WWOX: variants seen among roughly 807,000 people sequenced by gnomAD.
WWOX encodes the protein WW domain-containing oxidoreductase.
A neutral mutation model predicts 46.2 loss-of-function variants in WWOX; 69 were observed. The observed-to-expected ratio is 1.49, with a 90% CI of 1.23 to 1.82. WWOX has a LOEUF of 1.82. Among genes scored for constraint, WWOX ranks in the 40% most tolerant of loss-of-function variants. The probability of loss-of-function intolerance (pLI) is 0.00; values close to 1 mark genes in which losing one functional copy is unlikely to be tolerated. For synonymous variants in WWOX, 359 were observed against 202.6 expected, an observed-to-expected ratio of 1.77 and a Z score of -6.56; for missense variants, 919 against 542.6, an observed-to-expected ratio of 1.69 and a Z score of -6.89.
intron 8 of WWOX, among the ~76,000 whole-genome samples, chr16:78,567,450 G>A (rs2044598019): frequency 6.6e-6 from 1 of 150,946 alleles, no homozygotes; most frequent in Admixed American, 6.6e-5. Flanking sequence ...CTACTCCGGA[G>A]GCTGAGACAG....
intron 8 of WWOX, among the ~76,000 whole-genome samples, chr16:79,058,867 T>C (rs1238013322): frequency 6.6e-6 from 1 of 152,208 alleles, no homozygotes; most frequent in East Asian, 1.9e-4. Context: ...GGAAAATGTG[T>C]TTACAGAAGA....
At chr16:79,211,511 G>C (rs1318651639) in intron 8 of WWOX, 97 bp from the exon 9 acceptor site, 1 of 1,509,946 alleles carries the variant, frequency 6.6e-7, no homozygotes, top group Non-Finnish European at 9.1e-7. Flanking sequence ...ACTGAACCAG[G>C]TGGGGGAGGC....
At chr16:78,832,365 C>T (rs1031956777) in intron 8 of WWOX, among the ~76,000 whole-genome samples, 3 of 152,134 alleles carry the variant, frequency 2.0e-5, no homozygotes. Context: ...TTTTAAGCCC[C>T]ATTCTTAGAC....
At chr16:78,260,275 A>G (rs2038244097) in intron 5 of WWOX, among the ~76,000 whole-genome samples, 1 of 151,608 alleles carries the variant, frequency 6.6e-6, no homozygotes, top group Admixed American at 6.6e-5. Flanking sequence ...AAAGAGAAAC[A>G]AACAGAAAAC....
intron 5 of WWOX, among the ~76,000 whole-genome samples, chr16:78,164,554 A>G (rs749943993): frequency 4.6e-5 from 7 of 152,206 alleles, no homozygotes; most frequent in Non-Finnish European, 1.0e-4. Context: ...CTCATTTATT[A>G]AGAAAAATAA....
intron 5 of WWOX, among the ~76,000 whole-genome samples, chr16:78,175,435 A>C (rs148359716): frequency 6.6e-6 from 1 of 152,196 alleles, no homozygotes; most frequent in Non-Finnish European, 1.5e-5. Context: ...CTCACTCTCC[A>C]TGAATAGAAT....
intron 8 of WWOX, among the ~76,000 whole-genome samples, chr16:79,092,912 A>G (rs977081630): frequency 1.3e-5 from 2 of 152,178 alleles, no homozygotes; most frequent in Non-Finnish European, 2.9e-5. Context: ...GCCCATTTTC[A>G]TGGATGGACA....
chr16:78,110,647 A>G (rs1310929476), intron 3 of WWOX, among the ~76,000 whole-genome samples: 1 of 152,208 alleles, frequency 6.6e-6, no homozygotes, highest in Non-Finnish European at 1.5e-5. Flanking sequence ...GGTATCACGC[A>G]GCAATAGTAA....
chr16:78,718,598 T>C (rs899320709), intron 8 of WWOX, among the ~76,000 whole-genome samples: 1 of 152,074 alleles, frequency 6.6e-6, no homozygotes, highest in Non-Finnish European at 1.5e-5. Flanking sequence ...TCCTAGGTAC[T>C]CTGGAGGGTG....
intron 8 of WWOX, among the ~76,000 whole-genome samples, chr16:78,639,905 A>T (rs998816042): frequency 6.6e-6 from 1 of 152,068 alleles, no homozygotes; most frequent in Non-Finnish European, 1.5e-5. Flanking sequence ...TAATAGGAAG[A>T]TAGAGTGGTG....
intron 8 of WWOX, among the ~76,000 whole-genome samples, chr16:78,760,964 A>G (rs1017007307): frequency 6.6e-6 from 1 of 152,104 alleles, no homozygotes; most frequent in Non-Finnish European, 1.5e-5. Flanking sequence ...TTATAATACC[A>G]TCAGATCTCA....
At chr16:78,963,804 C>G (rs962867476) in intron 8 of WWOX, among the ~76,000 whole-genome samples, 4 of 152,176 alleles carry the variant, frequency 2.6e-5, no homozygotes, top group African/African-American at 9.7e-5. Flanking sequence ...GCTGTGTCCC[C>G]ACCCAAATCT....
At chr16:78,284,043 C>A (rs2079729016) in intron 5 of WWOX, among the ~76,000 whole-genome samples, 1 of 152,134 alleles carries the variant, frequency 6.6e-6, no homozygotes, top group Non-Finnish European at 1.5e-5. Context: ...ATTTGTATCT[C>A]GTTAAAACAT....
At chr16:78,162,772 T>G (rs898949477) in intron 4 of WWOX, among the ~76,000 whole-genome samples, 2 of 152,192 alleles carry the variant, frequency 1.3e-5, no homozygotes, top group Non-Finnish European at 2.9e-5. Context: ...ATGTCTCTTT[T>G]GTGCTTTGTT....
chr16:78,639,439 A>C (rs2046650991), intron 8 of WWOX, among the ~76,000 whole-genome samples: 1 of 152,158 alleles, frequency 6.6e-6, no homozygotes, highest in Non-Finnish European at 1.5e-5. Flanking sequence ...CACAGAAGGA[A>C]AGTAAGAGTG....
chr16:78,434,537 C>A (rs1349853669), intron 8 of WWOX, among the ~76,000 whole-genome samples: 3 of 152,172 alleles, frequency 2.0e-5, no homozygotes, highest in Non-Finnish European at 4.4e-5. Flanking sequence ...GAGGTGGATT[C>A]TTCCTTATTT....
chr16:78,774,771 C>G (rs947408157), intron 8 of WWOX, among the ~76,000 whole-genome samples: 1 of 152,118 alleles, frequency 6.6e-6, no homozygotes, highest in Non-Finnish European at 1.5e-5. Flanking sequence ...TAAGGCAATT[C>G]CTGGCACATG....
chr16:78,272,701 G>A lies in WWOX; in HGVS notation c.516+108412G>A, dbSNP rs568534481. Among the ~76,000 whole-genome samples, 28 of 152,296 alleles carry A rather than the reference G, an allele frequency of 1.8e-4. 1 individual carries two copies. In the South Asian group the frequency reaches 5.6e-3, roughly 30 times the overall value. Reference sequence around the variant, plus strand: ...GCACCTTGGATAGGCAATGGGAAATGTTCACAACGTTCCCATTTTTACCTA... The same window carrying A: ...GCACCTTGGATAGGCAATGGGAAATATTCACAACGTTCCCATTTTTACCTA... On this transcript the variant is annotated intron_variant, in intron 5 of 8. Transcript: ENST00000566780.
At chr16:78,361,430 T>C (rs1308704591) in intron 5 of WWOX, among the ~76,000 whole-genome samples, 1 of 152,214 alleles carries the variant, frequency 6.6e-6, no homozygotes, top group Non-Finnish European at 1.5e-5. Context: ...TTTGAGATGA[T>C]GCTGGCAGCC....
Sources: gnomAD v4.1 joint callset for allele counts (sites outside exome capture counted in the v4.1 genomes callset) on GRCh38, gnomAD v4.1.1 for gene constraint, MANE v1.5 for transcripts, NCBI Gene and HGNC (gene_info 2026-07-23, HGNC 2026-07-21) for gene names.